CSMD1: variants seen among roughly 807,000 people sequenced by gnomAD.
The protein encoded by CSMD1 is CUB and sushi domain-containing protein 1.
In CSMD1, 213 loss-of-function variants were observed where a neutral mutation model predicts 417.5. The ratio of observed to expected loss-of-function variants is 0.51; its 90% CI spans 0.46 to 0.57. The LOEUF (loss-of-function observed/expected upper bound fraction) is 0.57. Among genes scored for constraint, CSMD1 ranks in the 20% least tolerant of loss-of-function variants. The probability of loss-of-function intolerance (pLI) is 0.00; values close to 1 mark genes in which losing one functional copy is unlikely to be tolerated. For missense variants in CSMD1, 6,923 were observed against 4,529.7 expected, an observed-to-expected ratio of 1.53 and a Z score of -15.17; for synonymous variants, 2,862 against 1,736.8, an observed-to-expected ratio of 1.65 and a Z score of -16.11.
At chr8:3,898,166 T>C (rs987205871) in intron 5 of CSMD1, among the ~76,000 whole-genome samples, 1 of 152,040 alleles carries the variant, frequency 6.6e-6, no homozygotes, top group Admixed American at 6.6e-5. Context: ...CTATAAGCCA[T>C]CAATCCCTGC....
At chr8:4,984,808 G>C (rs148096615) in intron 1 of CSMD1, among the ~76,000 whole-genome samples, 61 of 152,274 alleles carry the variant, frequency 4.0e-4, no homozygotes, top group Non-Finnish European at 6.8e-4. Context: ...CATACTTAGT[G>C]TCCTTGGGCT....
At chr8:3,281,178 C>T (rs1418691617) in intron 26 of CSMD1, among the ~76,000 whole-genome samples, 1 of 152,148 alleles carries the variant, frequency 6.6e-6, no homozygotes, top group Non-Finnish European at 1.5e-5. Context: ...CGAGGTGGCT[C>T]ACGCCTGTAA....
At chr8:3,065,419 TAG>T (rs1812875870) in intron 49 of CSMD1, among the ~76,000 whole-genome samples, 1 of 151,796 alleles carries the variant, frequency 6.6e-6, no homozygotes, top group Non-Finnish European at 1.5e-5. Flanking sequence ...GCTAAATCAG[TAG>T]AGAGATGATA....
intron 58 of CSMD1, 106 bp from the exon 59 acceptor site, chr8:2,966,060 G>C: frequency 1.0e-6 from 1 of 991,544 alleles, no homozygotes; most frequent in South Asian, 1.5e-5. Context: ...ATTCACAGTG[G>C]TTAAGCAGTG....
chr8:3,498,889 T>C (rs1169402561), intron 10 of CSMD1, among the ~76,000 whole-genome samples: 3 of 152,216 alleles, frequency 2.0e-5, no homozygotes, highest in Non-Finnish European at 4.4e-5. Context: ...ATTCAGATCA[T>C]GAATTGTTTT....
intron 4 of CSMD1, among the ~76,000 whole-genome samples, chr8:4,008,792 G>C (rs1320057922): frequency 6.6e-6 from 1 of 150,968 alleles, no homozygotes; most frequent in African/African-American, 2.4e-5. Context: ...TTGTGTTTTT[G>C]GTAGAGACGG....
chr8:2,978,542 T>TA, intron 55 of CSMD1, 70 bp downstream of exon 55: 1 of 1,236,704 alleles, frequency 8.1e-7, no homozygotes, highest in East Asian at 2.6e-5. Context: ...TAAATATACT[T>TA]ACGGAATTTT....
At chr8:3,333,571 G>T (rs995433354) in intron 23 of CSMD1, among the ~76,000 whole-genome samples, 1 of 152,178 alleles carries the variant, frequency 6.6e-6, no homozygotes, top group African/African-American at 2.4e-5. Flanking sequence ...GCAATGCCAG[G>T]AGTAGATATT....
intron 5 of CSMD1, among the ~76,000 whole-genome samples, chr8:3,859,397 T>C (rs1332242217): frequency 6.6e-6 from 1 of 152,200 alleles, no homozygotes; most frequent in Non-Finnish European, 1.5e-5. Flanking sequence ...TTTGGAAATA[T>C]ATTTTGTTTA....
chr8:3,396,438 T>A, intron 16 of CSMD1, 57 bp from the exon 17 acceptor site: 2 of 1,256,766 alleles, frequency 1.6e-6, no homozygotes, highest in Non-Finnish European at 2.2e-6. Context: ...CTTACAGACG[T>A]GCTCCTGACA....
At chr8:3,262,731 G>T (rs974076684) in intron 26 of CSMD1, among the ~76,000 whole-genome samples, 3 of 152,090 alleles carry the variant, frequency 2.0e-5, no homozygotes, top group Non-Finnish European at 2.9e-5. Flanking sequence ...ATGTCTCATA[G>T]TGGAAAATGT....
chr8:3,417,814 G>C (rs975582215), intron 12 of CSMD1, among the ~76,000 whole-genome samples: 1 of 150,720 alleles, frequency 6.6e-6, no homozygotes, highest in African/African-American at 2.5e-5. Context: ...CACATAAATG[G>C]AAGTCTACAG....
intron 5 of CSMD1, among the ~76,000 whole-genome samples, chr8:3,932,642 A>C (rs949714506): frequency 6.6e-6 from 1 of 150,488 alleles, no homozygotes; most frequent in African/African-American, 2.5e-5. Context: ...GACATTTTGC[A>C]TGTTATTAGG....
At chr8:3,921,388 CTATT>C (rs1381465508) in intron 5 of CSMD1, among the ~76,000 whole-genome samples, 16 of 152,074 alleles carry the variant, frequency 1.1e-4, no homozygotes, top group Non-Finnish European at 1.5e-5. Context: ...TTTCTAGCCT[CTATT>C]TAATTTATTA....
chr8:3,274,391 A>C (rs905288873), intron 26 of CSMD1, among the ~76,000 whole-genome samples: 5 of 152,008 alleles, frequency 3.3e-5, no homozygotes, highest in African/African-American at 4.8e-5. Flanking sequence ...GTGCTGAAAA[A>C]AATGTATATT....
rs1314678426 is a variant in CSMD1, at chr8:3,616,747, T to A, written c.1060A>T (p.Ile354Phe). Reference protein sequence around the residue: ...LVSDMCPDPGIPENGRRAGSD... With the variant: ...LVSDMCPDPGFPENGRRAGSD... The stretch of plus-strand genomic sequence containing the variant: ...CCTGCTCTTCTACCATTTTCTGGAA[T>A]CCCAGGATCTGGACACATGTCAGAG... The change falls in exon 8 of 70, where the codon ATT becomes TTT. Residue 354 changes from isoleucine (I) to phenylalanine (F), a missense_variant. Transcript: ENST00000635120. 2.5e-6 allele frequency: 4 copies of A among 1,612,640 alleles called. No individual in the cohort carries two copies. The highest frequency in any genetic ancestry group is 1.7e-6 in the Non-Finnish European group (2 of 1,179,174).
chr8:4,476,910 G>C (rs987726182), intron 2 of CSMD1, among the ~76,000 whole-genome samples: 9 of 152,128 alleles, frequency 5.9e-5, no homozygotes, highest in African/African-American at 2.2e-4. Flanking sequence ...GGGAATCAAG[G>C]GTGAAAAGAG....
intron 23 of CSMD1, among the ~76,000 whole-genome samples, chr8:3,309,209 G>A (rs1805131772): frequency 6.6e-6 from 1 of 152,130 alleles, no homozygotes; most frequent in African/African-American, 2.4e-5. Context: ...TATCGGCACT[G>A]CCAGGGTGCT....
chr8:3,620,645 AAAGT>A (rs1392243836), intron 7 of CSMD1, among the ~76,000 whole-genome samples: 9 of 152,160 alleles, frequency 5.9e-5, no homozygotes, highest in African/African-American at 2.2e-4. Flanking sequence ...AACCATAAAG[AAAGT>A]ATCTATAGAA....
Sources: allele counts gnomAD v4.1 joint callset (sites outside exome capture counted in the v4.1 genomes callset), GRCh38; gene constraint gnomAD v4.1.1; transcripts MANE v1.5; gene names NCBI Gene and HGNC (gene_info 2026-07-23, HGNC 2026-07-21).